UGGT1: variants seen among roughly 807,000 people sequenced by gnomAD.
UGGT1 encodes the protein UDP-glucose glycoprotein glucosyltransferase 1, also known as UDP-glucose:glycoprotein glucosyltransferase 1.
A neutral mutation model predicts 203.9 loss-of-function variants in UGGT1; 107 were observed. That is an observed-to-expected ratio of 0.52 (90% confidence interval 0.45 to 0.62). The LOEUF (loss-of-function observed/expected upper bound fraction) is 0.62, where lower values mean the gene tolerates loss of function less well. Ranked by LOEUF, UGGT1 falls within the 20% of genes least tolerant of loss-of-function variation. The pLI, the probability that UGGT1 is intolerant of heterozygous loss-of-function variation, is 0.00. For missense variants in UGGT1, 1,673 were observed against 1,867.2 expected (o/e 0.90, Z 1.92); for synonymous variants, 628 against 653.5 (o/e 0.96, Z 0.59).
In UGGT1 at chr2:128,183,937, T is replaced by TGTGTGTGTGTGTGTGTGTGA. The variant is rs151153786; in HGVS notation, c.4359+149_4359+150insTGTGTGTGTGTGTGTGTGAG. 1,172 of 328,292 alleles carry TGTGTGTGTGTGTGTGTGTGA rather than the reference T, an allele frequency of 3.6e-3. 7 individuals carry two copies. The highest frequency in any genetic ancestry group is 4.4e-3 in the Non-Finnish European group (768 of 174,780). 20.3% of individuals were successfully genotyped at this position (328,292 alleles called of 1,614,324 possible). ...GTGTGTGTGTGTGTGTGTGTGTGTGTGAGAGAGAGAGAGAGAGAGAGAGAT... is the reference window on the plus strand; with the variant it reads ...GTGTGTGTGTGTGTGTGTGTGTGTGTGTGTGTGTGTGTGTGTGTGAGAGAGAGAGAGAGAGAGAGAGAGAT... On this transcript the variant is annotated intron_variant, in intron 38 of 40. Transcript: ENST00000259253.
chr2:128,125,228 A>G lies in UGGT1; in HGVS notation c.1134+1982A>G, dbSNP rs181056612. On this transcript the variant is annotated intron_variant, in intron 11 of 40. Coordinates refer to ENST00000259253, the MANE Select transcript of UGGT1 (RefSeq NM_020120.4). ...CCTTGTGCTTGATTTGCCATTGTCC[A>G]CAGATGTTCTGTTTTGTTCTTTTCC... Among the ~76,000 whole-genome samples, 24 of 152,122 alleles carry G rather than the reference A, an allele frequency of 1.6e-4. No homozygotes were observed. The East Asian group carries it at 3.3e-3, about 21-fold the overall frequency.
chr2:128,145,744 G>T, intron 17 of UGGT1, 59 bp from the exon 18 acceptor site: 1 of 1,437,998 alleles, frequency 7.0e-7, no homozygotes, highest in Non-Finnish European at 9.2e-7. Flanking sequence ...AATATGCTGT[G>T]TTCCATTTGT....
intron 16 of UGGT1, among the ~76,000 whole-genome samples, chr2:128,142,706 G>C (rs945424295): frequency 2.0e-5 from 3 of 151,942 alleles, no homozygotes; most frequent in Admixed American, 2.0e-4. Context: ...TAATTGGCCA[G>C]GCGCAGTGGC....
At position 128,091,299 on chromosome 2, in the gene UGGT1, C is replaced by A; in HGVS notation, c.-59C>A. The A allele has an allele frequency of 6.8e-7, 1 of 1,479,048 alleles. No individual in the cohort carries two copies. The highest frequency in any genetic ancestry group is 9.0e-7 in the Non-Finnish European group (1 of 1,110,376). The allele number at this position is 1,479,048 out of a possible 1,614,324, so 91.6% of individuals were successfully genotyped here. On this transcript the variant is annotated 5_prime_UTR_variant, in exon 1 of 41. Transcript: ENST00000259253. ...GCAGCCTGCACTGCCGCTGCCGCCT[C>A]GCCCCGCCCTGCCCTGGCGTTGTCT... is the stretch of plus-strand genomic sequence containing the variant.
At chr2:128,132,053 A>G (rs1048742626) in intron 13 of UGGT1, among the ~76,000 whole-genome samples, 4 of 151,968 alleles carry the variant, frequency 2.6e-5, no homozygotes, top group African/African-American at 9.7e-5. Context: ...ATCTTTTCCT[A>G]TTCTTGGTCT....
At chr2:128,187,345 A>T (rs933318865) in intron 39 of UGGT1, 104 bp from the exon 40 acceptor site, 2 of 1,287,472 alleles carry the variant, frequency 1.6e-6, no homozygotes, top group Non-Finnish European at 2.1e-6. Context: ...GTTCCTTACT[A>T]TTGTTTTCTT....
At chr2:128,159,785 G>GCTTA in intron 23 of UGGT1, 65 bp downstream of exon 23, 1 of 1,498,608 alleles carries the variant, frequency 6.7e-7, no homozygotes. Flanking sequence ...ACCCACTGCA[G>GCTTA]CTTACGTGTC....
chr2:128,154,066 C>A (rs1347775586), intron 19 of UGGT1, among the ~76,000 whole-genome samples: 1 of 151,548 alleles, frequency 6.6e-6, no homozygotes, highest in South Asian at 2.1e-4. Context: ...TATATACACA[C>A]ACACACACAC....
At position 128,111,991 on chromosome 2, in the gene UGGT1, A is replaced by G. The variant is rs537104717; in HGVS notation, c.522-1093A>G. Among the ~76,000 whole-genome samples the G allele has an allele frequency of 6.7e-5, 10 of 149,646 alleles. No homozygotes were observed. The East Asian group carries it at 2.0e-3, about 30-fold the overall frequency. On this transcript the variant is annotated intron_variant, in intron 5 of 40. Coordinates refer to ENST00000259253, the MANE Select transcript of UGGT1 (RefSeq NM_020120.4). The stretch of plus-strand genomic sequence containing the variant: ...CATGTCTACAAAATATACAAAATTT[A>G]GTTGGGCATGATGTCGTGCACCTGT...
intron 2 of UGGT1, among the ~76,000 whole-genome samples, chr2:128,098,901 A>C (rs1687238277): frequency 6.6e-6 from 1 of 152,238 alleles, no homozygotes; most frequent in South Asian, 2.1e-4. Context: ...TTGTAAATAA[A>C]TATAATGAGA....
chr2:128,141,972 C>T (rs1689452011), intron 16 of UGGT1, among the ~76,000 whole-genome samples: 2 of 151,938 alleles, frequency 1.3e-5, no homozygotes, highest in Non-Finnish European at 2.9e-5. Flanking sequence ...GAGACAGTCT[C>T]ACTCCATCAT....
intron 38 of UGGT1, among the ~76,000 whole-genome samples, chr2:128,185,125 G>A (rs1232343929): frequency 1.3e-5 from 2 of 150,430 alleles, no homozygotes; most frequent in Non-Finnish European, 1.5e-5. Context: ...TGTGTCAGGC[G>A]TTGTTTTTGC....
Position 128,186,731 on chromosome 2 carries a change from C to G in UGGT1, c.4408C>G (p.Gln1470Glu). The change falls in exon 39 of 41, where the codon CAA (glutamine) becomes GAA (glutamate). Residue 1470 changes from glutamine to glutamate, a missense_variant. Transcript: ENST00000259253. ...IHQVPIKSLP[Q>E]EWLWCETWCD... ...TCAGGTGCCAATTAAATCCCTCCCT[C>G]AAGAATGGCTTTGGTGTGAAACGTG... The G allele has an allele frequency of 6.2e-7, 1 of 1,613,790 alleles. No homozygotes were observed. The highest frequency in any genetic ancestry group is 1.1e-5 in the South Asian group (1 of 91,028).
intron 1 of UGGT1, among the ~76,000 whole-genome samples, chr2:128,096,536 C>T (rs775897846): frequency 2.6e-5 from 4 of 152,144 alleles, no homozygotes; most frequent in Non-Finnish European, 5.9e-5. Flanking sequence ...CTGGTGGTCT[C>T]CTGTGTCTCT....
intron 17 of UGGT1, chr2:128,145,503 C>A (rs1573568123): frequency 3.2e-5 from 3 of 94,420 alleles, no homozygotes; most frequent in East Asian, 3.5e-4. Context: ...CACACACAAA[C>A]ACACACACAC....
In UGGT1 at chr2:128,134,941, T is replaced by A; in HGVS notation, c.1563T>A (p.Leu521=). The change falls in exon 15 of 41, where the codon CTT becomes CTA. Residue 521 remains leucine (L), a synonymous_variant. Coordinates refer to ENST00000259253, the MANE Select transcript of UGGT1 (RefSeq NM_020120.4). ...AELMNTAEMF[L]SNHIPLRIGF... is the part of the protein sequence containing the mutation. ...TGATGAACACAGCTGAGATGTTCCT[T>A]AGTAATCATATACCACTAAGGTAAC... 6.2e-7 allele frequency: 1 copy of A among 1,613,704 alleles called. No homozygotes were observed. Among genetic ancestry groups the A allele is most frequent in the Middle Eastern group, 1.7e-4 (1 of 6,060 alleles).
Position 128,189,749 on chromosome 2 carries a change from GAGA to G in UGGT1, c.*10_*12del, listed in dbSNP as rs1172519220. On this transcript the variant is annotated 3_prime_UTR_variant, in exon 41 of 41. Coordinates refer to ENST00000259253, the MANE Select transcript of UGGT1 (RefSeq NM_020120.4). ...GAAACGTGAAGAATTATGATCTCTG[GAGA>G]AGGACAGGAAATCACCCCATTTGAA... The G allele has an allele frequency of 2.5e-6, 4 of 1,612,800 alleles. No homozygotes were observed. In the Admixed American group the frequency reaches 5.0e-5, roughly 20 times the overall value.
In UGGT1 at chr2:128,187,474, C is replaced by T. The variant is rs1486439797; in HGVS notation, c.4502C>T (p.Pro1501Leu). Residue 1501 changes from proline (P) to leucine (L), a missense_variant, in exon 40 of 41, where the codon CCG (proline) becomes CTG (leucine). By Grantham distance (98) the Pro-to-Leu change is moderately conservative (BLOSUM62 -3). Transcript: ENST00000259253. ...DLCNNPMTKE[P>L]KLEAAVRIVP... The stretch of plus-strand genomic sequence containing the variant: ...TGTAATAATCCGATGACCAAAGAGC[C>T]GAAACTGGAAGCAGCTGTGCGGATT... 1.2e-6 allele frequency: 2 copies of T among 1,613,546 alleles called. No individual in the cohort carries two copies. Among genetic ancestry groups the T allele is most frequent in the South Asian group, 1.1e-5 (1 of 91,044 alleles).
intron 23 of UGGT1, 24 bp downstream of exon 23, chr2:128,159,744 G>A: frequency 1.2e-6 from 2 of 1,606,276 alleles, no homozygotes; most frequent in South Asian, 2.2e-5. Flanking sequence ...CCTCTCATGA[G>A]GCTGCCCCAT....
Sources: allele counts gnomAD v4.1 joint callset (sites outside exome capture counted in the v4.1 genomes callset), GRCh38; gene constraint gnomAD v4.1.1; transcripts MANE v1.5; gene names NCBI Gene and HGNC (gene_info 2026-07-23, HGNC 2026-07-21).